CDKAL1: variants seen among roughly 807,000 people sequenced by gnomAD.
CDKAL1 encodes CDKAL1 threonylcarbamoyladenosine tRNA methylthiotransferase, also known as threonylcarbamoyladenosine tRNA methylthiotransferase.
A neutral mutation model predicts 68.2 loss-of-function variants in CDKAL1; 32 were observed. The observed-to-expected ratio is 0.47, with a 90% CI of 0.35 to 0.63. The LOEUF is 0.63. CDKAL1 is among the 30% of genes least tolerant of loss of function. CDKAL1 has a pLI of 0.00. For missense variants in CDKAL1, 606 were observed against 696.7 expected (o/e 0.87, Z 1.47); for synonymous variants, 234 against 244.3 (o/e 0.96, Z 0.39).
chr6:20,688,054 G>A (rs958651863), intron 5 of CDKAL1, among the ~76,000 whole-genome samples: 5 of 151,450 alleles, frequency 3.3e-5, no homozygotes, highest in African/African-American at 9.7e-5. Flanking sequence ...TTTACCACTC[G>A]CTTGTATGGT....
intron 9 of CDKAL1, among the ~76,000 whole-genome samples, chr6:20,895,721 A>G (rs548768114): frequency 6.6e-6 from 1 of 152,314 alleles, no homozygotes; most frequent in East Asian, 1.9e-4. Context: ...TTAAACTGCC[A>G]CTGTTTATAA....
intron 5 of CDKAL1, among the ~76,000 whole-genome samples, chr6:20,653,850 A>T (rs1481913643): frequency 6.6e-6 from 1 of 152,054 alleles, no homozygotes; most frequent in African/African-American, 2.4e-5. Context: ...TGACCTCGTG[A>T]TCCGCCTGCC....
intron 11 of CDKAL1, among the ~76,000 whole-genome samples, chr6:21,025,283 T>A (rs970212215): frequency 6.6e-6 from 1 of 152,200 alleles, no homozygotes; most frequent in East Asian, 1.9e-4. Flanking sequence ...ATCAGTGTCA[T>A]TCATAGTCAA....
chr6:20,681,870 T>C (rs751270176), intron 5 of CDKAL1, among the ~76,000 whole-genome samples: 1 of 152,208 alleles, frequency 6.6e-6, no homozygotes, highest in Non-Finnish European at 1.5e-5. Flanking sequence ...AGGTGGGTTA[T>C]AAACGACAGA....
chr6:20,599,060 G>T (rs1410066989), intron 4 of CDKAL1, among the ~76,000 whole-genome samples: 3 of 151,760 alleles, frequency 2.0e-5, no homozygotes, highest in Admixed American at 6.6e-5. Flanking sequence ...TCTTTACATA[G>T]TTCAAAATAC....
intron 9 of CDKAL1, among the ~76,000 whole-genome samples, chr6:20,891,427 G>A (rs1309597622): frequency 1.3e-5 from 2 of 152,140 alleles, no homozygotes; most frequent in African/African-American, 4.8e-5. Context: ...GCAGATCATG[G>A]GAGGTGAAAG....
At chr6:20,787,750 G>C (rs188181932) in intron 8 of CDKAL1, among the ~76,000 whole-genome samples, 2 of 152,194 alleles carry the variant, frequency 1.3e-5, no homozygotes, top group Non-Finnish European at 2.9e-5. Flanking sequence ...ACCAAACTGT[G>C]TTCTGTGGAC....
chr6:20,842,286 T>G (rs766400386), intron 8 of CDKAL1, among the ~76,000 whole-genome samples: 35 of 152,354 alleles, frequency 2.3e-4, no homozygotes, highest in Non-Finnish European at 4.9e-4. Context: ...ATCTCTTCTT[T>G]TTAAAGCTAA....
intron 9 of CDKAL1, among the ~76,000 whole-genome samples, chr6:20,899,118 G>A (rs1269383513): frequency 1.4e-5 from 2 of 144,738 alleles, no homozygotes; most frequent in East Asian, 4.0e-4. Context: ...AGGCTGGAGT[G>A]CAGTGGCACA....
At chr6:20,821,826 C>T (rs1407685793) in intron 8 of CDKAL1, among the ~76,000 whole-genome samples, 1 of 152,150 alleles carries the variant, frequency 6.6e-6, no homozygotes, top group Non-Finnish European at 1.5e-5. Flanking sequence ...TGGTACCTGA[C>T]ATAAAATACA....
chr6:20,841,979 G>A (rs187667161), intron 8 of CDKAL1, among the ~76,000 whole-genome samples: 81 of 152,252 alleles, frequency 5.3e-4, no homozygotes, highest in South Asian at 2.3e-3. Context: ...TCTCATTTTG[G>A]TTTTGGCTTT....
At chr6:21,027,214 C>A (rs1769013496) in intron 11 of CDKAL1, among the ~76,000 whole-genome samples, 1 of 152,236 alleles carries the variant, frequency 6.6e-6, no homozygotes, top group East Asian at 1.9e-4. Flanking sequence ...AGTCTATTTT[C>A]CTTTTCAGTA....
chr6:21,204,275 A>G (rs542000570), intron 15 of CDKAL1, among the ~76,000 whole-genome samples: 2 of 152,314 alleles, frequency 1.3e-5, no homozygotes, highest in South Asian at 4.2e-4. Flanking sequence ...TAATAATCCC[A>G]CATACCTATT....
chr6:21,188,669 T>G (rs1026869905), intron 13 of CDKAL1, among the ~76,000 whole-genome samples: 1 of 152,174 alleles, frequency 6.6e-6, no homozygotes, highest in East Asian at 1.9e-4. Flanking sequence ...ATTGAGCACT[T>G]TCCCAGGCTG....
intron 6 of CDKAL1, among the ~76,000 whole-genome samples, chr6:20,752,675 T>G (rs766250033): frequency 6.6e-5 from 10 of 152,190 alleles, no homozygotes; most frequent in Non-Finnish European, 1.3e-4. Flanking sequence ...ATCCCGATCC[T>G]TATGAAAGTG....
At chr6:21,020,774 C>CT (rs60084439) in intron 11 of CDKAL1, among the ~76,000 whole-genome samples, 26,958 of 132,828 alleles carry the variant, frequency 0.2, 3,141 homozygotes, top group Middle Eastern at 0.29. Context: ...GCCTTTTTTC[C>CT]TTTTTTTTTT....
chr6:21,075,125 A>G (rs920170719), intron 12 of CDKAL1, among the ~76,000 whole-genome samples: 4 of 142,804 alleles, frequency 2.8e-5, no homozygotes, highest in African/African-American at 1.0e-4. Flanking sequence ...GTACAATACA[A>G]TACCAGTTGC....
At chr6:20,544,962 G>A (rs1763536994) in intron 2 of CDKAL1, among the ~76,000 whole-genome samples, 1 of 107,178 alleles carries the variant, frequency 9.3e-6, no homozygotes, top group Admixed American at 8.5e-5. Flanking sequence ...TGGGATTACA[G>A]TTTTGTGTGT....
chr6:20,583,492 A>G (rs1765218833), intron 4 of CDKAL1, among the ~76,000 whole-genome samples: 2 of 152,190 alleles, frequency 1.3e-5, no homozygotes, highest in South Asian at 2.1e-4. Context: ...TTTGAATCAG[A>G]CTGGTGCAAT....
Sources: allele counts gnomAD v4.1 joint callset (sites outside exome capture counted in the v4.1 genomes callset), GRCh38; gene constraint gnomAD v4.1.1; transcripts MANE v1.5; gene names NCBI Gene and HGNC (gene_info 2026-07-23, HGNC 2026-07-21).